CTSB: variants seen among roughly 807,000 people sequenced by gnomAD.
CTSB encodes the protein APP secretase.
A neutral mutation model predicts 44.3 loss-of-function variants in CTSB; 57 were observed. The observed-to-expected ratio is 1.29, with a 90% CI of 1.04 to 1.60. The LOEUF is 1.60. Among genes scored for constraint, CTSB ranks in the 40% most tolerant of loss-of-function variants. The pLI, the probability that CTSB is intolerant of heterozygous loss-of-function variation, is 0.00. For missense variants in CTSB, 768 were observed against 443.0 expected, an observed-to-expected ratio of 1.73 and a Z score of -6.59; for synonymous variants, 320 against 168.0, an observed-to-expected ratio of 1.91 and a Z score of -7.00.
intron 8 of CTSB, among the ~76,000 whole-genome samples, chr8:11,846,638 G>C (rs932134222): frequency 2.6e-5 from 4 of 152,196 alleles, no homozygotes; most frequent in African/African-American, 9.7e-5. Flanking sequence ...GAAAGATGAA[G>C]AAAATGTGTC....
chr8:11,866,971 G>T (rs556429423), intron 1 of CTSB, among the ~76,000 whole-genome samples: 9 of 152,186 alleles, frequency 5.9e-5, no homozygotes, highest in Non-Finnish European at 1.3e-4. Context: ...GCTACAAAAA[G>T]GTGCCAGGTC....
intron 1 of CTSB, among the ~76,000 whole-genome samples, chr8:11,855,748 T>C (rs1815401244): frequency 6.6e-6 from 1 of 152,132 alleles, no homozygotes; most frequent in African/African-American, 2.4e-5. Context: ...ACCGGCATGG[T>C]GGCTCAAGCT....
rs1431830021 is a variant in CTSB, at chr8:11,844,312, G to C, written c.*813C>G. The C allele has an allele frequency of 1.3e-5, 2 of 152,238 alleles. No individual in the cohort carries two copies. Among genetic ancestry groups the C allele is most frequent in the Admixed American group, 1.3e-4 (2 of 15,286 alleles). The allele number at this position is 152,238 out of a possible 1,614,324, so 9.4% of individuals were successfully genotyped here. A position where few individuals can be genotyped will look rare whatever the true frequency, so the allele number is the denominator to read the frequency against. On this transcript the variant is annotated 3_prime_UTR_variant, in exon 10 of 10. Coordinates refer to ENST00000353047, the MANE Select transcript of CTSB (RefSeq NM_001908.5). ...ACAAAGGATCTGAGATCCCATCAGAGTAGACTTCAAGTTGGAGAAAACTTT... is the reference window on the plus strand; with the variant it reads ...ACAAAGGATCTGAGATCCCATCAGACTAGACTTCAAGTTGGAGAAAACTTT...
intron 1 of CTSB, among the ~76,000 whole-genome samples, chr8:11,855,557 C>A (rs1328740514): frequency 1.3e-5 from 2 of 152,120 alleles, no homozygotes; most frequent in Admixed American, 1.3e-4. Context: ...GGAAACACAG[C>A]CTTCAAGGGA....
rs1268338975 is a variant in CTSB at position 11,843,794 on chromosome 8, G to A, written c.*1331C>T. On this transcript the variant is annotated 3_prime_UTR_variant, in exon 10 of 10. Coordinates refer to ENST00000353047, the MANE Select transcript of CTSB (RefSeq NM_001908.5). ...GCCTGTAATCCCAACACTTTGGGAG[G>A]CTGAGGCAGGCAGACCACCTGAGGC... The A allele has an allele frequency of 6.6e-6, 1 of 152,384 alleles. No homozygotes were observed. Among genetic ancestry groups the A allele is most frequent in the Non-Finnish European group, 1.5e-5 (1 of 68,052 alleles). 9.4% of individuals were successfully genotyped at this position (152,384 alleles called of 1,614,324 possible). A position where few individuals can be genotyped will look rare whatever the true frequency, so the allele number is the denominator to read the frequency against.
intron 4 of CTSB, 140 bp downstream of exon 4, chr8:11,850,726 T>G: frequency 1.7e-6 from 1 of 573,644 alleles, no homozygotes; most frequent in East Asian, 2.9e-5. Context: ...ATTGTGATTT[T>G]TGTACTGATG....
chr8:11,867,587 G>C (rs1817346048), intron 1 of CTSB: 1 of 152,266 alleles, frequency 6.6e-6, no homozygotes, highest in Admixed American at 6.5e-5. Flanking sequence ...TATGTCGGCA[G>C]TTTGGCCCGG....
intron 1 of CTSB, among the ~76,000 whole-genome samples, chr8:11,854,367 T>C (rs1815156495): frequency 6.6e-6 from 1 of 152,126 alleles, no homozygotes; most frequent in South Asian, 2.1e-4. Context: ...TGTCAGTGCT[T>C]AACAAACTGC....
In CTSB at chr8:11,849,748, G is replaced by A. The variant is rs1055243556; in HGVS notation, c.328-584C>T. On this transcript the variant is annotated intron_variant, in intron 4 of 9. Coordinates refer to ENST00000353047, the MANE Select transcript of CTSB (RefSeq NM_001908.5). Reference sequence around the variant, plus strand: ...GGTGCCTGCCACCAGGCCCAGCTAAGTTTTGTCTTTTTAGTAGAGACAGGG... The same window carrying A: ...GGTGCCTGCCACCAGGCCCAGCTAAATTTTGTCTTTTTAGTAGAGACAGGG... Among the ~76,000 whole-genome samples the A allele has an allele frequency of 2.6e-5, 4 of 151,958 alleles. No homozygotes were observed. In the East Asian group the frequency reaches 5.8e-4, roughly 22 times the overall value.
Position 11,847,107 on chromosome 8 carries a change from GT to G in CTSB, c.737del (p.Asn246ThrfsTer29). On this transcript the variant is annotated frameshift_variant, in exon 8 of 10. Transcript: ENST00000353047. LOFTEE classifies it high-confidence loss of function. ...EKDIMAEIYK[N>X]GPVEGAFSVY... ...CAGAGAAAGCTCCCTCCACGGGGCC[GT>G]TTTTGTAGATCTCGGCCATGATGTC... 1 of 1,613,862 alleles carries G rather than the reference GT, an allele frequency of 6.2e-7. No individual in the cohort carries two copies. The highest frequency in any genetic ancestry group is 8.5e-7 in the Non-Finnish European group (1 of 1,179,748).
chr8:11,852,550 A>G (rs1814778148), intron 3 of CTSB, 60 bp downstream of exon 3: 2 of 1,429,472 alleles, frequency 1.4e-6, no homozygotes, highest in African/African-American at 1.4e-5. Context: ...CCCACTTCCC[A>G]CTGCCCCAAA....
chr8:11,845,240 G>A lies in CTSB; in HGVS notation c.923-18C>T, dbSNP rs770040748. On this transcript the variant is annotated intron_variant, in intron 9 of 9. Coordinates refer to ENST00000353047, the MANE Select transcript of CTSB (RefSeq NM_001908.5). ...AAAGAAGCCTGGGAATAAAAAGTAA[G>A]GTGCTTTTAAAGTGTGACAAGGGTC... 1.3e-5 allele frequency: 20 copies of A among 1,585,574 alleles called. No individual in the cohort carries two copies. Among genetic ancestry groups the A allele is most frequent in the African/African-American group, 5.4e-5 (4 of 74,454 alleles).
chr8:11,849,121 T>G lies in CTSB; in HGVS notation c.371A>C (p.His124Pro). Reference sequence around the variant, plus strand: ...CTCCACGCTGACGTGCGCATTGGTGTGGATGCAGATCCGGTCAGAGATGGC... The same window carrying G: ...CTCCACGCTGACGTGCGCATTGGTGGGGATGCAGATCCGGTCAGAGATGGC... Reference protein sequence around the residue: ...VEAISDRICIHTNAHVSVEVS... With the variant: ...VEAISDRICIPTNAHVSVEVS... Residue 124 changes from histidine (H) to proline (P), a missense_variant, in exon 5 of 10, where the codon CAC becomes CCC. Physicochemically the swap from His to Pro is moderately conservative, Grantham distance 77 (BLOSUM62 -2). Transcript: ENST00000353047. 1 of 1,613,442 alleles carries G rather than the reference T, an allele frequency of 6.2e-7. No individual in the cohort carries two copies. Among genetic ancestry groups the G allele is most frequent in the Non-Finnish European group, 8.5e-7 (1 of 1,179,856 alleles).
chr8:11,851,315 G>C (rs1016058093), intron 3 of CTSB, among the ~76,000 whole-genome samples: 1 of 152,010 alleles, frequency 6.6e-6, no homozygotes, highest in Non-Finnish European at 1.5e-5. Context: ...TCAGCCTCCT[G>C]AGTAGCTGGG....
rs766393558 is a variant in CTSB at position 11,853,338 on chromosome 8, G to A, written c.117C>T (p.Thr39=). 2 of 1,613,312 alleles carry A rather than the reference G, an allele frequency of 1.2e-6. No individual in the cohort carries two copies. Among genetic ancestry groups the A allele is most frequent in the Non-Finnish European group, 1.7e-6 (2 of 1,179,862 alleles). Residue 39 remains threonine, a synonymous_variant, in exon 2 of 10, where the codon ACC becomes ACT. Transcript: ENST00000353047. ...CAGCCCCACAGCCTACCTGCCACGT[G>A]GTATTCCGTTTGTTGACATAGTTGA... ...ELVNYVNKRN[T]TWQAGHNFYN... is the part of the protein sequence containing the mutation.
At position 11,843,258 on chromosome 8, in the gene CTSB, CA is replaced by C. The variant is rs1812589832; in HGVS notation, c.*1866del. 3 of 152,136 alleles carry C rather than the reference CA, an allele frequency of 2.0e-5. No individual in the cohort carries two copies. Among genetic ancestry groups the C allele is most frequent in the South Asian group, 2.1e-4 (1 of 4,838 alleles). The allele number at this position is 152,136 out of a possible 1,614,324, so 9.4% of individuals were successfully genotyped here. On this transcript the variant is annotated 3_prime_UTR_variant, in exon 10 of 10. Coordinates refer to ENST00000353047, the MANE Select transcript of CTSB (RefSeq NM_001908.5). ...CACGACGGCCGGCTGTTATGCTCAT[CA>C]TGGCACTTAAGAGATGCTTAACAAA...
intron 3 of CTSB, among the ~76,000 whole-genome samples, chr8:11,852,161 A>G (rs1241979040): frequency 1.3e-5 from 2 of 152,160 alleles, no homozygotes; most frequent in Non-Finnish European, 2.9e-5. Context: ...TGCTGAGGCC[A>G]AGAGTTCGAG....
intron 1 of CTSB, among the ~76,000 whole-genome samples, chr8:11,864,876 G>A (rs1198881044): frequency 1.3e-5 from 2 of 149,824 alleles, no homozygotes; most frequent in Admixed American, 6.7e-5. Context: ...TTGTGCCACG[G>A]CATTCCAGCC....
Position 11,850,977 on chromosome 8 carries a change from A to G in CTSB, c.216T>C (p.Val72=), listed in dbSNP as rs1003164696. Residue 72 remains valine (V), a synonymous_variant, in exon 4 of 10, where the codon GTT becomes GTC. Coordinates refer to ENST00000353047, the MANE Select transcript of CTSB (RefSeq NM_001908.5). ...FLGGPKPPQR[V]MFTEDLKLPA... is the part of the protein sequence containing the mutation. ...GCAGCTTCAGGTCCTCGGTAAACAT[A>G]ACTCTGGATAAAGGAAGGTCTTCAT... The G allele has an allele frequency of 2.0e-5, 32 of 1,609,752 alleles. No homozygotes were observed. The highest frequency in any genetic ancestry group is 2.5e-5 in the Non-Finnish European group (30 of 1,176,994).
Sources: allele counts gnomAD v4.1 joint callset (sites outside exome capture counted in the v4.1 genomes callset), GRCh38; gene constraint gnomAD v4.1.1; transcripts MANE v1.5; gene names NCBI Gene and HGNC (gene_info 2026-07-23, HGNC 2026-07-21).